The following GMDS variants were observed in gnomAD, a reference collection of about 807,000 sequenced individuals.
The protein encoded by GMDS is GDP-mannose 4,6-dehydratase.
In GMDS, 20 loss-of-function variants were observed where a neutral mutation model predicts 49.9. The ratio of observed to expected loss-of-function variants is 0.40; its 90% CI spans 0.28 to 0.58. The LOEUF (loss-of-function observed/expected upper bound fraction) is 0.58. Ranked by LOEUF, GMDS falls within the 20% of genes least tolerant of loss-of-function variation. GMDS has a pLI of 0.42. For synonymous variants in GMDS, 177 were observed against 178.6 expected (o/e 0.99, Z 0.07); for missense variants, 362 against 481.4 (o/e 0.75, Z 2.32).
chr6:1,912,125 G>A (rs997536618), intron 7 of GMDS, among the ~76,000 whole-genome samples: 2 of 152,140 alleles, frequency 1.3e-5, no homozygotes, highest in Non-Finnish European at 2.9e-5. Flanking sequence ...CAGCACTTTG[G>A]GAGGCTGAGG....
intron 9 of GMDS, among the ~76,000 whole-genome samples, chr6:1,684,377 T>G (rs1470154797): frequency 6.6e-6 from 1 of 152,150 alleles, no homozygotes; most frequent in Non-Finnish European, 1.5e-5. Flanking sequence ...TAAAAACACA[T>G]GTCCACACAA....
chr6:1,999,105 T>C (rs896981321), intron 4 of GMDS, among the ~76,000 whole-genome samples: 2 of 151,988 alleles, frequency 1.3e-5, no homozygotes, highest in African/African-American at 4.8e-5. Context: ...GGCCATATCA[T>C]GAGGTCAGGA....
chr6:1,999,230 G>A (rs1344393308), intron 4 of GMDS, among the ~76,000 whole-genome samples: 1 of 150,878 alleles, frequency 6.6e-6, no homozygotes, highest in Non-Finnish European at 1.5e-5. Context: ...GCTGAGGCAG[G>A]AGAATCGCTT....
At chr6:1,656,264 C>T (rs1197073303) in intron 9 of GMDS, among the ~76,000 whole-genome samples, 1 of 152,144 alleles carries the variant, frequency 6.6e-6, no homozygotes, top group Non-Finnish European at 1.5e-5. Flanking sequence ...GGTGTTTGAG[C>T]CTTTGAAATG....
At chr6:1,662,428 C>T (rs186732030) in intron 9 of GMDS, among the ~76,000 whole-genome samples, 3 of 152,206 alleles carry the variant, frequency 2.0e-5, no homozygotes, top group African/African-American at 4.8e-5. Flanking sequence ...ATAGCAGCAC[C>T]GTGTGTGCTG....
intron 4 of GMDS, among the ~76,000 whole-genome samples, chr6:2,060,768 A>ACC (rs1180524073): frequency 4.6e-5 from 7 of 152,104 alleles, no homozygotes; most frequent in African/African-American, 1.7e-4. Flanking sequence ...GGTGACTCAC[A>ACC]CCTGTAATCC....
intron 1 of GMDS, among the ~76,000 whole-genome samples, chr6:2,127,159 A>G (rs1336678783): frequency 6.6e-6 from 1 of 152,218 alleles, no homozygotes; most frequent in Non-Finnish European, 1.5e-5. Context: ...CGGGCTACAC[A>G]ACCACTGAAA....
chr6:2,240,843 A>G (rs558991566), intron 1 of GMDS, among the ~76,000 whole-genome samples: 2 of 152,200 alleles, frequency 1.3e-5, no homozygotes, highest in Non-Finnish European at 2.9e-5. Context: ...TTGCTGTTCA[A>G]AGTGCATTAC....
chr6:2,050,993 G>A (rs1428403036), intron 4 of GMDS, among the ~76,000 whole-genome samples: 2 of 152,088 alleles, frequency 1.3e-5, no homozygotes, highest in Non-Finnish European at 2.9e-5. Context: ...AGTATTAGGA[G>A]AAATATCTAA....
At position 2,191,202 on chromosome 6, in the gene GMDS, C is replaced by A. The variant is rs1298533615; in HGVS notation, c.102+54119G>T. 2.0e-5 allele frequency among the ~76,000 whole-genome samples: 3 copies of A among 152,246 alleles called. No individual in the cohort carries two copies. The East Asian group carries it at 5.8e-4, about 29-fold the overall frequency. On this transcript the variant is annotated intron_variant, in intron 1 of 10. Coordinates refer to ENST00000380815, the MANE Select transcript of GMDS (RefSeq NM_001500.4). This position sits in a 1 kb window ranked among gnomAD's most constrained non-coding sequence, Gnocchi z 4.6. ...AGGGGTCCGCCCCGCATGGGGTGAC[C>A]ACCGGGCCTGACACTCCCGACCCGC...
chr6:1,719,413 C>T (rs983540265), intron 9 of GMDS, among the ~76,000 whole-genome samples: 2 of 152,140 alleles, frequency 1.3e-5, no homozygotes, highest in African/African-American at 4.8e-5. Context: ...GTCTGCAGAG[C>T]AACTGTTTTC....
At chr6:1,887,019 T>C (rs765980512) in intron 7 of GMDS, among the ~76,000 whole-genome samples, 31 of 152,250 alleles carry the variant, frequency 2.0e-4, no homozygotes, top group Admixed American at 1.2e-3. Context: ...CACCACCACA[T>C]GACATAAATA....
chr6:2,124,736 G>A lies in GMDS; in HGVS notation c.103-5C>T. On this transcript the variant is annotated splice_polypyrimidine_tract_variant and splice_region_variant and intron_variant, in intron 1 of 10. Transcript: ENST00000380815. ...CTCAGCCAGGTAGGAACCATCCTGG[G>A]GAGAAAGAAAAAATTGCAAAACGTC... is the stretch of plus-strand genomic sequence containing the variant. 1 of 1,611,960 alleles carries A rather than the reference G, an allele frequency of 6.2e-7. No homozygotes were observed.
chr6:2,223,758 G>A (rs1780701288), intron 1 of GMDS, among the ~76,000 whole-genome samples: 1 of 152,138 alleles, frequency 6.6e-6, no homozygotes, highest in African/African-American at 2.4e-5. Flanking sequence ...AGGGACATGT[G>A]GAGTAGGAGA....
chr6:1,681,094 T>C (rs1235737079), intron 9 of GMDS, among the ~76,000 whole-genome samples: 1 of 151,354 alleles, frequency 6.6e-6, no homozygotes, highest in African/African-American at 2.4e-5. Flanking sequence ...CACAACACAC[T>C]CATACACATA....
chr6:2,207,449 C>T (rs552507874), intron 1 of GMDS, among the ~76,000 whole-genome samples: 2 of 151,972 alleles, frequency 1.3e-5, no homozygotes, highest in Non-Finnish European at 2.9e-5. Context: ...GCTCAGTGTT[C>T]ACCCCAAATA....
chr6:1,763,705 G>A (rs1768243468), intron 7 of GMDS, among the ~76,000 whole-genome samples: 1 of 152,196 alleles, frequency 6.6e-6, no homozygotes, highest in Admixed American at 6.5e-5. Flanking sequence ...GGGAACAATG[G>A]GACATCCCAG....
intron 7 of GMDS, among the ~76,000 whole-genome samples, chr6:1,869,114 G>A (rs1321547694): frequency 6.6e-6 from 1 of 152,200 alleles, no homozygotes; most frequent in African/African-American, 2.4e-5. Flanking sequence ...GGCAACTGCA[G>A]CAGGAAAAGG....
At chr6:1,764,651 T>C (rs1768279876) in intron 7 of GMDS, among the ~76,000 whole-genome samples, 1 of 152,182 alleles carries the variant, frequency 6.6e-6, no homozygotes, top group Admixed American at 6.5e-5. Flanking sequence ...TCCGTAACGA[T>C]CGTCAAGATA....
Sources: gnomAD v4.1 joint callset for allele counts (sites outside exome capture counted in the v4.1 genomes callset) on GRCh38, gnomAD v4.1.1 for gene constraint, Gnocchi (gnomAD v3.1) non-coding constraint, MANE v1.5 for transcripts, NCBI Gene and HGNC (gene_info 2026-07-23, HGNC 2026-07-21) for gene names.